The following ARHGAP29 variants were observed in gnomAD, a reference collection of about 807,000 sequenced individuals.
ARHGAP29 encodes Rho GTPase activating protein 29.
Under a neutral mutation model 122.6 loss-of-function variants are expected in ARHGAP29, and 43 were observed. That is an observed-to-expected ratio of 0.35 (90% CI 0.27 to 0.45). The LOEUF (loss-of-function observed/expected upper bound fraction) is 0.45, where lower values mean the gene tolerates loss of function less well. ARHGAP29 is among the 20% of genes least tolerant of loss of function. ARHGAP29 has a pLI of 1.00. For synonymous variants in ARHGAP29, 506 were observed against 497.1 expected (o/e 1.02, Z -0.24); for missense variants, 1,303 against 1,477.2 (o/e 0.88, Z 1.93).
chr1:94,209,601 T>G (rs189913923), intron 3 of ARHGAP29, among the ~76,000 whole-genome samples: 3 of 152,246 alleles, frequency 2.0e-5, no homozygotes, highest in African/African-American at 7.2e-5. Context: ...ATTTGACACA[T>G]CTAAAAACTG....
In ARHGAP29 at chr1:94,190,079, G is replaced by A; in HGVS notation, c.1286C>T (p.Thr429Ile). 6.2e-7 allele frequency: 1 copy of A among 1,612,934 alleles called. No individual in the cohort carries two copies. The highest frequency in any genetic ancestry group is 8.5e-7 in the Non-Finnish European group (1 of 1,179,324). Residue 429 changes from threonine (T) to isoleucine (I), a missense_variant, in exon 13 of 23, where the codon ACA becomes ATA. Thr to Ile is a moderately conservative substitution (Grantham distance 89, BLOSUM62 -1). Around this residue, in one of 3 missense-constraint regions of ARHGAP29, gnomAD observed 592 missense variants for 648.2 expected, o/e 0.91. Coordinates refer to ENST00000260526, the MANE Select transcript of ARHGAP29 (RefSeq NM_004815.4). ...FQCDLTLKAV[T>I]VNLFHMQHLQ... ...ATGCTGCATGTGGAAGAGGTTAACT[G>A]TTACCTATGGACCCAGAGACAAAAG...
intron 11 of ARHGAP29, 55 bp from the exon 12 acceptor site, chr1:94,201,912 T>A: frequency 7.0e-7 from 1 of 1,424,802 alleles, no homozygotes; most frequent in Non-Finnish European, 9.4e-7. Context: ...TTTAAACAAA[T>A]ATTTACTATA....
intron 12 of ARHGAP29, among the ~76,000 whole-genome samples, chr1:94,200,059 T>C (rs1488927459): frequency 6.6e-6 from 1 of 152,206 alleles, no homozygotes. Context: ...GATGAATCTT[T>C]ATGATCTTGG....
At chr1:94,180,958 G>A (rs11577575) in intron 19 of ARHGAP29, among the ~76,000 whole-genome samples, 25,702 of 152,090 alleles carry the variant, frequency 0.17, 2,681 homozygotes, top group Non-Finnish European at 0.24. Flanking sequence ...TTTTTCAGCT[G>A]AGAGTCCTGT....
At chr1:94,314,592 TG>T in the ARHGAP29 span, among the ~76,000 whole-genome samples, 1 of 152,212 alleles carries the variant, frequency 6.6e-6, no homozygotes, top group Non-Finnish European at 1.5e-5. Context: ...ACCCCTTTGC[TG>T]GCTCCTCTTT....
chr1:94,173,780 G>C lies in ARHGAP29; in HGVS notation c.*89C>G, dbSNP rs1316525771. 6.8e-7 allele frequency: 1 copy of C among 1,468,192 alleles called. No individual in the cohort carries two copies. The highest frequency in any genetic ancestry group is 2.3e-5 in the East Asian group (1 of 43,872). The allele number at this position is 1,468,192 out of a possible 1,614,324, so 90.9% of individuals were successfully genotyped here. A position where few individuals can be genotyped will look rare whatever the true frequency, so the allele number is the denominator to read the frequency against. On this transcript the variant is annotated 3_prime_UTR_variant, in exon 23 of 23. Coordinates refer to ENST00000260526, the MANE Select transcript of ARHGAP29 (RefSeq NM_004815.4). ...CATGATTTGGCAGTCCTATACAAAA[G>C]AGGCCCTGTCAAAACATTCTTTCAC...
the ARHGAP29 span, among the ~76,000 whole-genome samples, chr1:94,287,794 TC>T: frequency 0.32 from 48,947 of 151,834 alleles, 8,445 homozygotes; most frequent in South Asian, 0.41. Context: ...GAATGATGGT[TC>T]TCAGCTTCAT....
At chr1:94,256,400 C>G (rs151005862) in intron 1 of ARHGAP29, among the ~76,000 whole-genome samples, 1 of 151,944 alleles carries the variant, frequency 6.6e-6, no homozygotes, top group Non-Finnish European at 1.5e-5. Context: ...CCCCCAGAAC[C>G]CCTTCATAAG....
At chr1:94,281,785 T>C in the ARHGAP29 span, among the ~76,000 whole-genome samples, 1 of 152,056 alleles carries the variant, frequency 6.6e-6, no homozygotes, top group African/African-American at 2.4e-5. Context: ...CCAGGGTGGG[T>C]GAAATTCAAT....
At position 94,184,063 on chromosome 1, in the gene ARHGAP29, CAT is replaced by C. The variant is rs772060505; in HGVS notation, c.2247+86_2247+87del. ...TATACCGTCTATGCCAATGAAAAAA[CAT>C]GTGTAGCAAATGTTATCAGCAAAAT... is the stretch of plus-strand genomic sequence containing the variant. On this transcript the variant is annotated intron_variant, in intron 19 of 22. Coordinates refer to ENST00000260526, the MANE Select transcript of ARHGAP29 (RefSeq NM_004815.4). 1.7e-4 allele frequency: 239 copies of C among 1,429,458 alleles called. No individual in the cohort carries two copies. In the Middle Eastern group the frequency reaches 2.3e-3, roughly 14 times the overall value. The allele number at this position is 1,429,458 out of a possible 1,614,324, so 88.5% of individuals were successfully genotyped here.
At chr1:94,251,397 C>T (rs558337866) in intron 1 of ARHGAP29, among the ~76,000 whole-genome samples, 1 of 152,132 alleles carries the variant, frequency 6.6e-6, no homozygotes, top group South Asian at 2.1e-4. Flanking sequence ...TCTCGGCCCC[C>T]CAAAGTGCTG....
intron 1 of ARHGAP29, among the ~76,000 whole-genome samples, chr1:94,267,020 C>T (rs911398253): frequency 6.6e-6 from 1 of 152,170 alleles, no homozygotes; most frequent in African/African-American, 2.4e-5. Context: ...ATCCAGGGAT[C>T]TTTCTATTAT....
chr1:94,307,313 A>G, the ARHGAP29 span, among the ~76,000 whole-genome samples: 1 of 152,100 alleles, frequency 6.6e-6, no homozygotes, highest in Non-Finnish European at 1.5e-5. Flanking sequence ...ACTCTCCACA[A>G]CTGTTTCATA....
chr1:94,213,662 G>A (rs1651791624), intron 3 of ARHGAP29, among the ~76,000 whole-genome samples: 1 of 152,168 alleles, frequency 6.6e-6, no homozygotes, highest in Non-Finnish European at 1.5e-5. Context: ...GCCAACGCCT[G>A]GTAAAGTGGA....
the ARHGAP29 span, among the ~76,000 whole-genome samples, chr1:94,294,720 C>A: frequency 1.3e-5 from 2 of 152,084 alleles, no homozygotes; most frequent in Non-Finnish European, 2.9e-5. Flanking sequence ...GAGCAGAGGG[C>A]TAAATGGCAA....
the ARHGAP29 span, among the ~76,000 whole-genome samples, chr1:94,281,673 C>A: frequency 6.6e-6 from 1 of 152,294 alleles, no homozygotes; most frequent in South Asian, 2.1e-4. Flanking sequence ...GTACTGCTCA[C>A]AAGCACTTAA....
chr1:94,280,908 G>A, the ARHGAP29 span, among the ~76,000 whole-genome samples: 1 of 152,096 alleles, frequency 6.6e-6, no homozygotes, highest in Non-Finnish European at 1.5e-5. Context: ...AAAAATGGTG[G>A]GATAAGCAGA....
At chr1:94,189,493 C>G (rs1482778944) in intron 13 of ARHGAP29, 141 bp from the exon 14 acceptor site, 1 of 1,021,006 alleles carries the variant, frequency 9.8e-7, no homozygotes, top group Non-Finnish European at 1.4e-6. Flanking sequence ...AAACCACACT[C>G]ATGGTTCAGC....
Position 94,170,147 on chromosome 1 carries a change from C to A in ARHGAP29, c.*3722G>T, listed in dbSNP as rs1194296432. ...TTTACAATCTTTAAGAATCTCCTCA[C>A]AAATTACTTCCTAATTCTAATTTTA... On this transcript the variant is annotated 3_prime_UTR_variant, in exon 23 of 23. Coordinates refer to ENST00000260526, the MANE Select transcript of ARHGAP29 (RefSeq NM_004815.4). Among the ~76,000 whole-genome samples, 1 of 152,194 alleles carries A rather than the reference C, an allele frequency of 6.6e-6. No homozygotes were observed. The highest frequency in any genetic ancestry group is 1.5e-5 in the Non-Finnish European group (1 of 68,036).
Sources: gnomAD v4.1 joint callset for allele counts (sites outside exome capture counted in the v4.1 genomes callset) on GRCh38, gnomAD v4.1.1 for gene constraint, gnomAD v4.1.1 regional missense constraint, MANE v1.5 for transcripts, NCBI Gene and HGNC (gene_info 2026-07-23, HGNC 2026-07-21) for gene names.